The following ADCK1 variants were observed in gnomAD, a reference collection of about 807,000 sequenced individuals.
ADCK1 encodes aarF domain containing kinase 1.
A neutral mutation model predicts 52.3 loss-of-function variants in ADCK1; 41 were observed. That is an observed-to-expected ratio of 0.78 (90% CI 0.61 to 1.02). The LOEUF is 1.02. ADCK1 is among the 50% of genes least tolerant of loss of function. ADCK1 has a pLI of 0.00. For synonymous variants in ADCK1, 250 were observed against 274.6 expected (o/e 0.91, Z 0.89); for missense variants, 658 against 679.5 (o/e 0.97, Z 0.35).
At chr14:77,839,786 G>A (rs2082028236) in intron 3 of ADCK1, among the ~76,000 whole-genome samples, 1 of 151,908 alleles carries the variant, frequency 6.6e-6, no homozygotes, top group African/African-American at 2.4e-5. Flanking sequence ...AGCCAGGTGT[G>A]GTAGTGCGCG....
At chr14:77,916,434 T>C (rs2083926438) in intron 7 of ADCK1, among the ~76,000 whole-genome samples, 1 of 152,088 alleles carries the variant, frequency 6.6e-6, no homozygotes, top group Admixed American at 6.5e-5. Context: ...TTCCTGTGAT[T>C]TTACTCAGCA....
chr14:77,887,134 C>T lies in ADCK1; in HGVS notation c.467C>T (p.Thr156Met), dbSNP rs144436820. 1,763 of 1,606,192 alleles carry T rather than the reference C, an allele frequency of 1.1e-3. 2 individuals carry two copies. The highest frequency in any genetic ancestry group is 2.2e-3 in the Middle Eastern group (13 of 6,034). Reference protein sequence around the residue: ...FQSFDDTPLGTASLAQVHKAV... With the variant: ...FQSFDDTPLGMASLAQVHKAV... The stretch of plus-strand genomic sequence containing the variant: ...AGCTTCGATGACACCCCTCTGGGGA[C>T]GGCCTCCCTGGCCCAGGTCCACAAG... The change falls in exon 5 of 11, where the codon ACG becomes ATG. Residue 156 changes from threonine (T) to methionine (M), a missense_variant. By Grantham distance (81) the Thr-to-Met change is moderately conservative. Coordinates refer to ENST00000238561, the MANE Select transcript of ADCK1 (RefSeq NM_020421.4).
At chr14:77,825,576 A>C (rs2081678362) in intron 3 of ADCK1, among the ~76,000 whole-genome samples, 1 of 152,006 alleles carries the variant, frequency 6.6e-6, no homozygotes, top group African/African-American at 2.4e-5. Context: ...TGCAGCATCC[A>C]TCACCAGGAT....
chr14:77,854,248 T>C (rs963720287), intron 3 of ADCK1, among the ~76,000 whole-genome samples: 1 of 152,100 alleles, frequency 6.6e-6, no homozygotes, highest in African/African-American at 2.4e-5. Flanking sequence ...CAGGCTAAGT[T>C]TGAAGAGCCT....
intron 4 of ADCK1, among the ~76,000 whole-genome samples, chr14:77,861,637 G>C (rs1026519593): frequency 6.6e-6 from 1 of 152,132 alleles, no homozygotes; most frequent in African/African-American, 2.4e-5. Flanking sequence ...CCCAGTCCTC[G>C]GATAGGCTTT....
chr14:77,806,550 G>A (rs2081228972), intron 1 of ADCK1, among the ~76,000 whole-genome samples: 1 of 152,114 alleles, frequency 6.6e-6, no homozygotes, highest in African/African-American at 2.4e-5. Flanking sequence ...AAGGGCTTTG[G>A]TCATGGACTT....
At chr14:77,899,679 CAT>C (rs2083488937) in intron 6 of ADCK1, among the ~76,000 whole-genome samples, 1 of 152,144 alleles carries the variant, frequency 6.6e-6, no homozygotes, top group South Asian at 2.1e-4. Flanking sequence ...TGTAACAAAA[CAT>C]ATGTGTCCCT....
chr14:77,871,913 C>T (rs186458062), intron 4 of ADCK1, among the ~76,000 whole-genome samples: 66 of 152,306 alleles, frequency 4.3e-4, no homozygotes, highest in African/African-American at 1.1e-3. Flanking sequence ...ACTCAGAGAG[C>T]GTGAGCAGAG....
At chr14:77,930,258 A>G (rs1282744759) in intron 9 of ADCK1, among the ~76,000 whole-genome samples, 1 of 152,186 alleles carries the variant, frequency 6.6e-6, no homozygotes, top group East Asian at 1.9e-4. Context: ...AGTTCAAGAC[A>G]TTTCAAGTTT....
chr14:77,872,895 C>T (rs1311540432), intron 4 of ADCK1, among the ~76,000 whole-genome samples: 1 of 152,168 alleles, frequency 6.6e-6, no homozygotes, highest in Non-Finnish European at 1.5e-5. Flanking sequence ...AGCCTGGTCT[C>T]GATCTCCTGA....
chr14:77,852,901 ATATATATTTTTTTTTTT>A (rs1259311307), intron 3 of ADCK1, among the ~76,000 whole-genome samples: 1 of 32,154 alleles, frequency 3.1e-5, no homozygotes, highest in Non-Finnish European at 5.7e-5. Context: ...ATATATATAT[ATATATATTTTTTTTTTT>A]TTTTTTTTTT....
intron 3 of ADCK1, among the ~76,000 whole-genome samples, chr14:77,850,693 C>T (rs564639301): frequency 6.9e-6 from 1 of 144,178 alleles, no homozygotes; most frequent in Admixed American, 7.2e-5. Context: ...CTCTGTTACC[C>T]AGGCTGGAGT....
intron 3 of ADCK1, among the ~76,000 whole-genome samples, chr14:77,850,981 A>G (rs946506762): frequency 1.3e-5 from 2 of 151,410 alleles, no homozygotes; most frequent in East Asian, 3.9e-4. Flanking sequence ...TTATCCTTCT[A>G]TTGGGTTGGT....
Position 77,805,739 on chromosome 14 carries a change from G to C in ADCK1, c.-12+5569G>C, listed in dbSNP as rs1404637205. Among the ~76,000 whole-genome samples, 4 of 152,054 alleles carry C rather than the reference G, an allele frequency of 2.6e-5. No individual in the cohort carries two copies. In the Middle Eastern group the frequency reaches 9.5e-3, roughly 361 times the overall value. ...TGAAGGGGAAAGTGGTAGGGCATGAGACCCTAGAGGGAATTGAGAGTTAGA... is the reference window on the plus strand; with the variant it reads ...TGAAGGGGAAAGTGGTAGGGCATGACACCCTAGAGGGAATTGAGAGTTAGA... On this transcript the variant is annotated intron_variant, in intron 1 of 10. Transcript: ENST00000238561.
At chr14:77,903,591 A>G (rs2083595315) in intron 6 of ADCK1, among the ~76,000 whole-genome samples, 1 of 152,224 alleles carries the variant, frequency 6.6e-6, no homozygotes, top group South Asian at 2.1e-4. Context: ...TGGAAACAGG[A>G]CAAGTGGTAG....
At position 77,899,196 on chromosome 14, in the gene ADCK1, C is replaced by G. The variant is rs751810514; in HGVS notation, c.679C>G (p.Leu227Val). Residue 227 changes from leucine to valine, a missense_variant, in exon 6 of 11, where the codon CTC (leucine) becomes GTC (valine). Physicochemically the swap from Leu to Val is conservative, Grantham distance 32. Coordinates refer to ENST00000238561, the MANE Select transcript of ADCK1 (RefSeq NM_020421.4). Reference protein sequence around the residue: ...KKNLPLELDFLNEGRNAEKVS... With the variant: ...KKNLPLELDFVNEGRNAEKVS... ...GAACCTGCCTTTGGAGCTGGATTTC[C>G]TCAATGAAGGGAGGAATGCTGAGAA... is the stretch of plus-strand genomic sequence containing the variant. 4.3e-6 allele frequency: 7 copies of G among 1,614,136 alleles called. No homozygotes were observed. In the Admixed American group the frequency reaches 8.3e-5, roughly 19 times the overall value.
At position 77,924,556 on chromosome 14, in the gene ADCK1, C is replaced by T; in HGVS notation, c.958C>T (p.Pro320Ser). ...HPGNVLVRKH[P>S]GTGKAEIVLL... ...CGGCAATGTACTGGTGCGGAAGCACCCCGGCACGGGAAAGGCGGAGATTGT... is the reference window on the plus strand; with the variant it reads ...CGGCAATGTACTGGTGCGGAAGCACTCCGGCACGGGAAAGGCGGAGATTGT... The change falls in exon 8 of 11, where the codon CCC becomes TCC. Residue 320 changes from proline to serine, a missense_variant. By Grantham distance (74) the Pro-to-Ser change is moderately conservative. Transcript: ENST00000238561. 1 of 1,613,964 alleles carries T rather than the reference C, an allele frequency of 6.2e-7. No individual in the cohort carries two copies. The highest frequency in any genetic ancestry group is 8.5e-7 in the Non-Finnish European group (1 of 1,180,038).
chr14:77,865,251 G>A (rs1208542014), intron 4 of ADCK1, among the ~76,000 whole-genome samples: 1 of 152,234 alleles, frequency 6.6e-6, no homozygotes, highest in Admixed American at 6.5e-5. Flanking sequence ...GGCTGAGGCA[G>A]GCAGATCACC....
At chr14:77,933,126 C>A in intron 10 of ADCK1, 94 bp from the exon 11 acceptor site, 2 of 1,398,372 alleles carry the variant, frequency 1.4e-6, no homozygotes, top group South Asian at 1.4e-5. Context: ...GGTGAGTTGG[C>A]CAAAGCCACC....
Sources: gnomAD v4.1 joint callset for allele counts (sites outside exome capture counted in the v4.1 genomes callset) on GRCh38, gnomAD v4.1.1 for gene constraint, MANE v1.5 for transcripts, NCBI Gene and HGNC (gene_info 2026-07-23, HGNC 2026-07-21) for gene names.